The following RAB2A variants were observed in gnomAD, a reference collection of about 807,000 sequenced individuals.
The protein encoded by RAB2A is RAB2A, member RAS oncogene family.
Under a neutral mutation model 32.5 loss-of-function variants are expected in RAB2A, and 7 were observed. The observed-to-expected ratio is 0.22, with a 90% CI of 0.12 to 0.40. RAB2A has a LOEUF of 0.40. RAB2A is among the 10% of genes least tolerant of loss of function. The pLI is 1.00. For missense variants in RAB2A, 108 were observed against 260.7 expected (o/e 0.41, Z 4.03); for synonymous variants, 79 against 85.2 (o/e 0.93, Z 0.40).
At chr8:60,529,763 C>T (rs1392392808) in intron 1 of RAB2A, among the ~76,000 whole-genome samples, 1 of 152,154 alleles carries the variant, frequency 6.6e-6, no homozygotes, top group Non-Finnish European at 1.5e-5. Flanking sequence ...TTTCTCCATT[C>T]TTTCACTTAT....
At chr8:60,620,582 A>C in intron 7 of RAB2A, 92 bp from the exon 8 acceptor site, 4 of 929,772 alleles carry the variant, frequency 4.3e-6, no homozygotes, top group Non-Finnish European at 5.1e-6. Flanking sequence ...TGTTTGATAA[A>C]ATTGTATCAT....
At chr8:60,594,185 A>G (rs1241422725) in intron 6 of RAB2A, among the ~76,000 whole-genome samples, 5 of 152,184 alleles carry the variant, frequency 3.3e-5, no homozygotes. Flanking sequence ...GAAGGAGAGG[A>G]AAAAGGAATG....
At chr8:60,527,857 C>G (rs1346930978) in intron 1 of RAB2A, among the ~76,000 whole-genome samples, 1 of 152,116 alleles carries the variant, frequency 6.6e-6, no homozygotes, top group South Asian at 2.1e-4. Context: ...AAATATACAA[C>G]TGCTTTTATA....
rs116987874 is a variant in RAB2A at position 60,551,207 on chromosome 8, C to A, written c.47-7645C>A. On this transcript the variant is annotated intron_variant, in intron 1 of 7. Transcript: ENST00000262646. ...CCCTGCAACTGATTCTATTTCTCTC[C>A]CTCTTCTGTATACATGTACACATTT... Among the ~76,000 whole-genome samples, 553 of 152,248 alleles carry A rather than the reference C, an allele frequency of 3.6e-3. 6 individuals are homozygous for A. The highest frequency in any genetic ancestry group is 4.1e-3 in the Non-Finnish European group (282 of 68,030).
At chr8:60,541,301 G>A (rs1306507260) in intron 1 of RAB2A, among the ~76,000 whole-genome samples, 1 of 152,114 alleles carries the variant, frequency 6.6e-6, no homozygotes, top group African/African-American at 2.4e-5. Flanking sequence ...AAGAAGGCCT[G>A]ACAATTAAAT....
chr8:60,609,960 CAAAA>C (rs5891772), intron 6 of RAB2A, among the ~76,000 whole-genome samples: 12 of 80,580 alleles, frequency 1.5e-4, no homozygotes, highest in African/African-American at 3.1e-4. Context: ...CCCTGTGTCT[CAAAA>C]AAAAAAAAAA....
chr8:60,558,477 T>C (rs1439723580), intron 1 of RAB2A: 2 of 511,018 alleles, frequency 3.9e-6, no homozygotes, highest in African/African-American at 1.9e-5. Context: ...GGGAGTATGA[T>C]AAAATGAACT....
intron 3 of RAB2A, among the ~76,000 whole-genome samples, chr8:60,573,605 A>T (rs990086714): frequency 6.6e-6 from 1 of 152,094 alleles, no homozygotes; most frequent in Admixed American, 6.5e-5. Context: ...TTTCTCAAGG[A>T]TTTCCCACAT....
At chr8:60,581,135 C>T (rs182205246) in intron 3 of RAB2A, among the ~76,000 whole-genome samples, 2 of 152,180 alleles carry the variant, frequency 1.3e-5, no homozygotes, top group South Asian at 4.1e-4. Context: ...ATAACAGAGA[C>T]GGCTGCAGTT....
intron 6 of RAB2A, among the ~76,000 whole-genome samples, chr8:60,594,864 C>T (rs1244672386): frequency 6.6e-6 from 1 of 152,202 alleles, no homozygotes; most frequent in Non-Finnish European, 1.5e-5. Flanking sequence ...GCCACATTTT[C>T]TTAATCCAGT....
At chr8:60,552,632 TAGAA>T (rs1293410356) in intron 1 of RAB2A, 1 of 152,242 alleles carries the variant, frequency 6.6e-6, no homozygotes, top group African/African-American at 2.4e-5. Flanking sequence ...TTAGTAGAGT[TAGAA>T]AGAAACTTGA....
chr8:60,539,767 A>G (rs1807611587), intron 1 of RAB2A, among the ~76,000 whole-genome samples: 2 of 152,288 alleles, frequency 1.3e-5, no homozygotes, highest in Admixed American at 6.5e-5. Context: ...TTGGAAAATC[A>G]TAGGGTACAA....
intron 3 of RAB2A, among the ~76,000 whole-genome samples, chr8:60,578,740 G>T (rs988483179): frequency 1.3e-5 from 2 of 152,212 alleles, no homozygotes; most frequent in African/African-American, 4.8e-5. Context: ...CTAGTTGCCA[G>T]CCTGGTTACT....
At position 60,605,832 on chromosome 8, in the gene RAB2A, C is replaced by CATATAT. The variant is rs1328541490; in HGVS notation, c.475-12746_475-12741dup. ...GGCTCATAGGCAAAAGGGACTAATA[C>CATATAT]ATATATACATATATATATATAATGC... On this transcript the variant is annotated intron_variant, in intron 6 of 7. Transcript: ENST00000262646. 9.3e-4 allele frequency among the ~76,000 whole-genome samples: 112 copies of CATATAT among 120,790 alleles called. 8 individuals are homozygous for CATATAT. The highest frequency in any genetic ancestry group is 4.1e-3 in the African/African-American group (106 of 26,094). The allele number at this position is 120,790 out of a possible 152,430, so 79.2% of individuals were successfully genotyped here.
chr8:60,577,890 C>T (rs533927771), intron 3 of RAB2A, among the ~76,000 whole-genome samples: 1 of 151,766 alleles, frequency 6.6e-6, no homozygotes, highest in East Asian at 1.9e-4. Flanking sequence ...GATCCACCCG[C>T]CTCAGCTTCC....
chr8:60,569,055 T>G (rs10098769), intron 2 of RAB2A, among the ~76,000 whole-genome samples: 58,865 of 152,064 alleles, frequency 0.39, 11,498 homozygotes, highest in East Asian at 0.55. Context: ...CACATAGAAT[T>G]AAAGGGGAAT....
chr8:60,609,261 G>A (rs918750950), intron 6 of RAB2A, among the ~76,000 whole-genome samples: 2 of 152,124 alleles, frequency 1.3e-5, no homozygotes, highest in African/African-American at 4.8e-5. Flanking sequence ...ATCCTCCAAG[G>A]GTATGGTTAA....
At chr8:60,596,607 A>C (rs1804032933) in intron 6 of RAB2A, among the ~76,000 whole-genome samples, 1 of 152,200 alleles carries the variant, frequency 6.6e-6, no homozygotes, top group African/African-American at 2.4e-5. Flanking sequence ...ATCTCATGCC[A>C]GTTAGAATGG....
At chr8:60,584,617 A>G (rs1586097725) in intron 4 of RAB2A, 106 bp from the exon 5 acceptor site, 3 of 881,376 alleles carry the variant, frequency 3.4e-6, no homozygotes, top group Non-Finnish European at 5.2e-6. Flanking sequence ...CTCGTTACAT[A>G]AGTGGATATG....
Sources: allele counts gnomAD v4.1 joint callset (sites outside exome capture counted in the v4.1 genomes callset), GRCh38; gene constraint gnomAD v4.1.1; transcripts MANE v1.5; gene names NCBI Gene and HGNC (gene_info 2026-07-23, HGNC 2026-07-21).